FAF1: variants seen among roughly 807,000 people sequenced by gnomAD.
FAF1 encodes Fas associated factor 1, also known as FAS-associated factor 1.
FAF1 carries 25 observed loss-of-function variants against 92.5 expected under a neutral mutation model. The observed-to-expected ratio is 0.27, with a 90% CI of 0.20 to 0.38. The LOEUF is 0.38. Ranked by LOEUF, FAF1 falls within the 10% of genes least tolerant of loss-of-function variation. The pLI is 1.00. For synonymous variants in FAF1, 234 were observed against 273.2 expected (o/e 0.86, Z 1.42); for missense variants, 636 against 793.3 (o/e 0.80, Z 2.38).
chr1:50,569,409 A>G (rs897674178), intron 12 of FAF1, among the ~76,000 whole-genome samples: 4 of 152,202 alleles, frequency 2.6e-5, no homozygotes, highest in Non-Finnish European at 5.9e-5. Flanking sequence ...GCCCCTTGGC[A>G]AAAAAGATAC....
intron 6 of FAF1, among the ~76,000 whole-genome samples, chr1:50,724,024 T>G (rs868025321): frequency 7.9e-5 from 12 of 152,028 alleles, no homozygotes; most frequent in Non-Finnish European, 1.2e-4. Flanking sequence ...GCTGGGATTA[T>G]AGGCGTGAGC....
intron 17 of FAF1, among the ~76,000 whole-genome samples, chr1:50,482,486 T>A (rs188903558): frequency 6.6e-6 from 1 of 152,350 alleles, no homozygotes; most frequent in African/African-American, 2.4e-5. Flanking sequence ...AGCAGTTTAC[T>A]GTTACTTTCA....
At chr1:50,558,883 A>G (rs560506957) in intron 13 of FAF1, among the ~76,000 whole-genome samples, 26 of 152,296 alleles carry the variant, frequency 1.7e-4, no homozygotes, top group African/African-American at 6.0e-4. Flanking sequence ...GGAGTGTAGG[A>G]AGTATCCAAA....
intron 1 of FAF1, among the ~76,000 whole-genome samples, chr1:50,911,393 T>C (rs1472508965): frequency 2.0e-5 from 3 of 151,198 alleles, no homozygotes; most frequent in Non-Finnish European, 4.4e-5. Context: ...TATCTTGTTT[T>C]CTTGAGAAAA....
At chr1:50,756,243 C>T (rs1398302977) in intron 4 of FAF1, among the ~76,000 whole-genome samples, 1 of 152,180 alleles carries the variant, frequency 6.6e-6, no homozygotes, top group Non-Finnish European at 1.5e-5. Context: ...GAAATTTCTT[C>T]TGCCAAATAC....
Position 50,958,866 on chromosome 1 carries a change from TGCCAAAATG to T in FAF1, c.45+892_45+900del, listed in dbSNP as rs945060388. ...TACTTGACAGTAGCTTCTAAGTTGA[TGCCAAAATG>T]GCCAAAAATATCTCACTAAAATAAT... On this transcript the variant is annotated intron_variant, in intron 1 of 18. Transcript: ENST00000396153. 3.9e-5 allele frequency among the ~76,000 whole-genome samples: 6 copies of T among 152,212 alleles called. 1 individual carries two copies. Among genetic ancestry groups the T allele is most frequent in the Admixed American group, 3.3e-4 (5 of 15,282 alleles).
chr1:50,653,632 G>A (rs1377371325), intron 8 of FAF1, among the ~76,000 whole-genome samples: 8 of 152,158 alleles, frequency 5.3e-5, no homozygotes, highest in Non-Finnish European at 1.0e-4. Context: ...TTGGGAGGCC[G>A]AGGCAGGCTG....
At chr1:50,928,857 G>A (rs1340374054) in intron 1 of FAF1, among the ~76,000 whole-genome samples, 2 of 150,596 alleles carry the variant, frequency 1.3e-5, no homozygotes, top group African/African-American at 2.4e-5. Context: ...AGCACTTTGG[G>A]AGGCTAAGCT....
chr1:50,527,811 GTCTCTCTCTCTC>G (rs9326017), intron 15 of FAF1, among the ~76,000 whole-genome samples: 1 of 75,316 alleles, frequency 1.3e-5, no homozygotes, highest in Non-Finnish European at 2.4e-5. Flanking sequence ...TTACTCTGCT[GTCTCTCTCTCTC>G]TCTCTCTCTC....
intron 4 of FAF1, among the ~76,000 whole-genome samples, chr1:50,745,243 G>A (rs1659541070): frequency 6.6e-6 from 1 of 152,208 alleles, no homozygotes; most frequent in Non-Finnish European, 1.5e-5. Context: ...AGAGGTTGCA[G>A]TGAGCCGAGA....
chr1:50,595,038 T>C (rs995621159), intron 9 of FAF1, among the ~76,000 whole-genome samples: 7 of 151,806 alleles, frequency 4.6e-5, no homozygotes, highest in African/African-American at 1.7e-4. Flanking sequence ...ATGCCATCAC[T>C]ATTATTATTA....
At chr1:50,536,778 A>AT (rs1648505343) in intron 14 of FAF1, among the ~76,000 whole-genome samples, 1 of 152,198 alleles carries the variant, frequency 6.6e-6, no homozygotes, top group South Asian at 2.1e-4. Flanking sequence ...ATGAATATTT[A>AT]TTCAATAAAT....
intron 13 of FAF1, among the ~76,000 whole-genome samples, chr1:50,546,735 A>T (rs916951193): frequency 1.3e-5 from 2 of 152,194 alleles, no homozygotes; most frequent in Non-Finnish European, 2.9e-5. Flanking sequence ...AGGGTCACAT[A>T]GATATGGGTT....
At chr1:50,450,231 A>T (rs1646278640) in intron 18 of FAF1, among the ~76,000 whole-genome samples, 1 of 151,130 alleles carries the variant, frequency 6.6e-6, no homozygotes, top group Admixed American at 6.6e-5. Context: ...ATTTGGTGTT[A>T]GGTGCTAGGC....
intron 1 of FAF1, among the ~76,000 whole-genome samples, chr1:50,870,109 T>A (rs571501542): frequency 6.6e-6 from 1 of 152,382 alleles, no homozygotes; most frequent in Non-Finnish European, 1.5e-5. Context: ...GAATTTTGTA[T>A]AAGCAAACAC....
At chr1:50,455,215 G>C (rs1197481372) in intron 18 of FAF1, among the ~76,000 whole-genome samples, 1 of 152,234 alleles carries the variant, frequency 6.6e-6, no homozygotes, top group Non-Finnish European at 1.5e-5. Flanking sequence ...AGAGGGGACA[G>C]AATTTTCCCT....
intron 9 of FAF1, 42 bp downstream of exon 9, chr1:50,596,079 G>A (rs761858342): frequency 7.4e-7 from 1 of 1,351,610 alleles, no homozygotes; most frequent in Non-Finnish European, 1.1e-6. Context: ...GTAGGTGGGG[G>A]ATGGGCCTTC....
At chr1:50,684,923 T>C (rs1219748167) in intron 7 of FAF1, among the ~76,000 whole-genome samples, 1 of 152,226 alleles carries the variant, frequency 6.6e-6, no homozygotes, top group Admixed American at 6.5e-5. Flanking sequence ...GGCTATAAGA[T>C]GGCCTAAACC....
At chr1:50,680,763 T>C (rs1656385722) in intron 7 of FAF1, among the ~76,000 whole-genome samples, 1 of 152,060 alleles carries the variant, frequency 6.6e-6, no homozygotes, top group Admixed American at 6.6e-5. Context: ...GATCGTCTAG[T>C]CAAAACACTC....
Sources: gnomAD v4.1 joint callset for allele counts (sites outside exome capture counted in the v4.1 genomes callset) on GRCh38, gnomAD v4.1.1 for gene constraint, MANE v1.5 for transcripts, NCBI Gene and HGNC (gene_info 2026-07-23, HGNC 2026-07-21) for gene names.